NR1I2: variants seen among roughly 807,000 people sequenced by gnomAD.
The protein encoded by NR1I2 is orphan nuclear receptor PAR1.
Under a neutral mutation model 43.3 loss-of-function variants are expected in NR1I2, and 42 were observed. The ratio of observed to expected loss-of-function variants is 0.97; its 90% confidence interval spans 0.76 to 1.26. NR1I2 has a LOEUF of 1.26. Ranked by LOEUF, NR1I2 falls within the 50% of genes most tolerant of loss-of-function variation. The pLI is 0.00. For synonymous variants in NR1I2, 229 were observed against 215.0 expected (o/e 1.06, Z -0.57); for missense variants, 559 against 566.7 (o/e 0.99, Z 0.14).
chr3:119,800,431 C>G (rs1478173426), intron 1 of NR1I2, among the ~76,000 whole-genome samples: 2 of 152,126 alleles, frequency 1.3e-5, no homozygotes, highest in African/African-American at 4.8e-5. Flanking sequence ...AGTGTAAGTC[C>G]TCCAACTTTG....
At chr3:119,814,900 G>A in intron 5 of NR1I2, 79 bp from the exon 6 acceptor site, 1 of 1,587,962 alleles carries the variant, frequency 6.3e-7, no homozygotes, top group South Asian at 1.1e-5. Context: ...CCAACTTCTG[G>A]ATTATGGGAT....
rs148854443 is a variant in NR1I2 at position 119,782,647 on chromosome 3, C to T, written c.-23+347C>T. ...AGTCCCTGGACCCAGGAAATACCAC[C>T]TCCAAGGACTGTGGGAGCTGGGGAC... On this transcript the variant is annotated intron_variant, in intron 1 of 8. Transcript: ENST00000393716. 6.9e-4 allele frequency: 544 copies of T among 783,608 alleles called. 5 individuals are homozygous for T. The East Asian group carries it at 0.013, about 19-fold the overall frequency. The allele number at this position is 783,608 out of a possible 1,614,324, so 48.5% of individuals were successfully genotyped here.
At chr3:119,807,507 A>C in intron 2 of NR1I2, 60 bp downstream of exon 2, 47 of 1,436,104 alleles carry the variant, frequency 3.3e-5, no homozygotes, top group Non-Finnish European at 4.1e-5. Context: ...GTAACGTCTC[A>C]GGGCCTCAGC....
Position 119,799,622 on chromosome 3 carries a change from A to C in NR1I2, c.-22-7607A>C, listed in dbSNP as rs72554007. Among the ~76,000 whole-genome samples the C allele has an allele frequency of 2.6e-4, 40 of 152,220 alleles. 1 individual carries two copies. Among genetic ancestry groups the C allele is most frequent in the Non-Finnish European group, 5.9e-4 (40 of 68,046 alleles). On this transcript the variant is annotated intron_variant, in intron 1 of 8. Transcript: ENST00000393716. ...AAAAAAAAACTTTTAAAAGACAGGA[A>C]TAGAATAAGTCTTCCGAATGTAATA...
At chr3:119,792,285 G>A in intron 1 of NR1I2, 1 of 1,500,362 alleles carries the variant, frequency 6.7e-7, no homozygotes, top group East Asian at 2.3e-5. Context: ...CGACCTTATG[G>A]AGCGAGCAGC....
intron 3 of NR1I2, 102 bp downstream of exon 3, chr3:119,810,296 G>C: frequency 4.0e-6 from 6 of 1,484,944 alleles, no homozygotes; most frequent in Admixed American, 2.1e-5. Context: ...CGCGCCGAGT[G>C]TGCGCGTGAA....
At chr3:119,791,665 A>G (rs548505161) in intron 1 of NR1I2, among the ~76,000 whole-genome samples, 3 of 152,320 alleles carry the variant, frequency 2.0e-5, no homozygotes, top group South Asian at 2.1e-4. Flanking sequence ...CTGTAATCCC[A>G]GCACTTTGGG....
intron 1 of NR1I2, among the ~76,000 whole-genome samples, chr3:119,806,516 G>T (rs1456530542): frequency 6.6e-6 from 1 of 151,972 alleles, no homozygotes; most frequent in East Asian, 1.9e-4. Context: ...AGATTCCTGG[G>T]CTCAAGCGAT....
intron 1 of NR1I2, among the ~76,000 whole-genome samples, chr3:119,796,746 T>C (rs1482450804): frequency 1.3e-5 from 2 of 152,222 alleles, no homozygotes; most frequent in Non-Finnish European, 1.5e-5. Flanking sequence ...GCATCTGCCT[T>C]TCTGGTTCCT....
chr3:119,815,240 G>A, intron 6 of NR1I2, 83 bp from the exon 7 acceptor site: 10 of 1,574,582 alleles, frequency 6.4e-6, no homozygotes, highest in Non-Finnish European at 8.7e-6. Context: ...ATGGAATGGT[G>A]GAAAACAAGA....
intron 5 of NR1I2, among the ~76,000 whole-genome samples, chr3:119,814,020 C>T (rs1171754402): frequency 1.3e-5 from 2 of 152,092 alleles, no homozygotes; most frequent in East Asian, 1.9e-4. Context: ...TTTGGAAGTA[C>T]CAAAGCCAGC....
At chr3:119,810,719 A>T (rs1302281216) in intron 3 of NR1I2, among the ~76,000 whole-genome samples, 1 of 152,218 alleles carries the variant, frequency 6.6e-6, no homozygotes, top group Non-Finnish European at 1.5e-5. Flanking sequence ...CTAGGTCACT[A>T]TGAGATTAAG....
intron 1 of NR1I2, among the ~76,000 whole-genome samples, chr3:119,805,162 A>G (rs922980143): frequency 7.9e-5 from 12 of 151,950 alleles, no homozygotes; most frequent in African/African-American, 2.9e-4. Context: ...TATGTCTTCA[A>G]CCTCTCGTAC....
chr3:119,804,494 G>T (rs1220456995), intron 1 of NR1I2, among the ~76,000 whole-genome samples: 1 of 146,176 alleles, frequency 6.8e-6, no homozygotes, highest in Non-Finnish European at 1.5e-5. Flanking sequence ...GTCCAGGCTG[G>T]AGTGCAGTGG....
At chr3:119,792,191 T>G in intron 1 of NR1I2, 84 of 1,165,358 alleles carry the variant, frequency 7.2e-5, no homozygotes, top group Non-Finnish European at 1.0e-4. Context: ...CCATCACTAC[T>G]GAGATCCTCA....
chr3:119,794,291 C>T (rs1167684971), intron 1 of NR1I2, among the ~76,000 whole-genome samples: 1 of 151,928 alleles, frequency 6.6e-6, no homozygotes, highest in African/African-American at 2.4e-5. Flanking sequence ...CTCCTGGGCT[C>T]ACGTAATCTT....
At position 119,792,274 on chromosome 3, in the gene NR1I2, A is replaced by AGCT. The variant is rs1577270899; in HGVS notation, c.-23+9974_-23+9975insGCT. The AGCT allele has an allele frequency of 2.0e-6, 3 of 1,536,788 alleles. No individual in the cohort carries two copies. The East Asian group carries it at 6.8e-5, about 35-fold the overall frequency. On this transcript the variant is annotated intron_variant, in intron 1 of 8. Coordinates refer to ENST00000393716, the MANE Select transcript of NR1I2 (RefSeq NM_003889.4). ...GAACTGGTCTCCAGGCAGGTGAGCGACGACCTTATGGAGCGAGCAGCCACC... is the reference window on the plus strand; with the variant it reads ...GAACTGGTCTCCAGGCAGGTGAGCGAGCTCGACCTTATGGAGCGAGCAGCCACC...
rs141861000 is a variant in NR1I2 at position 119,792,433 on chromosome 3, C to T, written c.-23+10133C>T. ...AGAACTCACTGGCCACTGCAGGGGA[C>T]GGCCTGATGGAGCTGTGCAAGCTGG... On this transcript the variant is annotated intron_variant, in intron 1 of 8. Transcript: ENST00000393716. The T allele has an allele frequency of 4.5e-4, 534 of 1,179,672 alleles. 3 individuals carry two copies. The African/African-American group carries it at 5.8e-3, about 13-fold the overall frequency. 73.1% of individuals were successfully genotyped at this position (1,179,672 alleles called of 1,614,324 possible).
At chr3:119,802,237 A>C (rs1335259606) in intron 1 of NR1I2, among the ~76,000 whole-genome samples, 1 of 152,214 alleles carries the variant, frequency 6.6e-6, no homozygotes, top group African/African-American at 2.4e-5. Flanking sequence ...CTTGCTTAAC[A>C]CTTGGGCAAA....
Sources: allele counts gnomAD v4.1 joint callset (sites outside exome capture counted in the v4.1 genomes callset), GRCh38; gene constraint gnomAD v4.1.1; transcripts MANE v1.5; gene names NCBI Gene and HGNC (gene_info 2026-07-23, HGNC 2026-07-21).